PPP6R1: variants seen among roughly 807,000 people sequenced by gnomAD.
PPP6R1 encodes serine/threonine-protein phosphatase 6 regulatory subunit 1.
Under a neutral mutation model 104.6 loss-of-function variants are expected in PPP6R1, and 39 were observed. The observed-to-expected ratio is 0.37, with a 90% CI of 0.29 to 0.49. PPP6R1 has a LOEUF of 0.49. Ranked by LOEUF, PPP6R1 falls within the 20% of genes least tolerant of loss-of-function variation. The pLI, the probability that PPP6R1 is intolerant of heterozygous loss-of-function variation, is 0.98. For missense variants in PPP6R1, 1,181 were observed against 1,155.8 expected (o/e 1.02, Z -0.32); for synonymous variants, 549 against 479.0 (o/e 1.15, Z -1.91).
chr19:55,239,760 G>A (rs1478135982), intron 13 of PPP6R1, 66 bp downstream of exon 13: 1 of 1,591,296 alleles, frequency 6.3e-7, no homozygotes, highest in African/African-American at 1.3e-5. Context: ...GTGGCGGTGG[G>A]AGGCTAAGAC....
At chr19:55,248,016 C>T (rs904264662) in intron 1 of PPP6R1, among the ~76,000 whole-genome samples, 17 of 152,208 alleles carry the variant, frequency 1.1e-4, no homozygotes, top group Non-Finnish European at 2.2e-4. Flanking sequence ...AGCCCCTAAA[C>T]GCTCGTGCAT....
chr19:55,230,286 C>CT lies in PPP6R1; in HGVS notation c.*241dup. On this transcript the variant is annotated 3_prime_UTR_variant, in exon 24 of 24. Transcript: ENST00000412770. ...ATATATGTTTCTCTCTCTCCATTCTCTCTATTTGACTCTCTGTATCTTTAT... is the reference window on the plus strand; with the variant it reads ...ATATATGTTTCTCTCTCTCCATTCTCTTCTATTTGACTCTCTGTATCTTTAT... The CT allele has an allele frequency of 5.1e-6, 3 of 589,080 alleles. No homozygotes were observed. Among genetic ancestry groups the CT allele is most frequent in the Non-Finnish European group, 9.1e-6 (3 of 330,366 alleles). 36.5% of individuals were successfully genotyped at this position (589,080 alleles called of 1,614,324 possible). A position where few individuals can be genotyped will look rare whatever the true frequency, so the allele number is the denominator to read the frequency against.
Position 55,236,540 on chromosome 19 carries a change from A to AT in PPP6R1, c.1988+102dup. 6 of 1,297,410 alleles carry AT rather than the reference A, an allele frequency of 4.6e-6. No individual in the cohort carries two copies. The South Asian group carries it at 9.7e-5, about 21-fold the overall frequency. 80.4% of individuals were successfully genotyped at this position (1,297,410 alleles called of 1,614,324 possible). A position where few individuals can be genotyped will look rare whatever the true frequency, so the allele number is the denominator to read the frequency against. On this transcript the variant is annotated intron_variant, in intron 17 of 23. Coordinates refer to ENST00000412770, the MANE Select transcript of PPP6R1 (RefSeq NM_014931.4). ...ATACACACACCAATGCAGGTTCCTT[A>AT]TTTTCTTCATTCACTTCAGCCTCAG... is the stretch of plus-strand genomic sequence containing the variant.
At chr19:55,252,447 G>A (rs2087561176) in intron 1 of PPP6R1, among the ~76,000 whole-genome samples, 2 of 149,112 alleles carry the variant, frequency 1.3e-5, no homozygotes, top group South Asian at 4.2e-4. Flanking sequence ...CACCCAGGCT[G>A]GAGTGCAGCG....
intron 5 of PPP6R1, among the ~76,000 whole-genome samples, chr19:55,242,889 T>C (rs1037168615): frequency 1.3e-5 from 2 of 152,068 alleles, no homozygotes; most frequent in Non-Finnish European, 2.9e-5. Flanking sequence ...AAAAACATCA[T>C]GCTAGAGAAA....
chr19:55,250,949 A>G (rs28682430), intron 1 of PPP6R1, among the ~76,000 whole-genome samples: 8,240 of 151,450 alleles, frequency 0.054, 644 homozygotes, highest in African/African-American at 0.17. Flanking sequence ...ACCCTCAATG[A>G]CCTCCCACTC....
intron 1 of PPP6R1, among the ~76,000 whole-genome samples, chr19:55,247,540 A>G (rs1165326258): frequency 2.0e-5 from 3 of 152,242 alleles, no homozygotes; most frequent in Non-Finnish European, 4.4e-5. Flanking sequence ...CACTATCCCT[A>G]CTTTTGGGAG....
chr19:55,234,275 AG>A (rs1473626394), intron 17 of PPP6R1, among the ~76,000 whole-genome samples: 1 of 152,220 alleles, frequency 6.6e-6, no homozygotes, highest in East Asian at 1.9e-4. Flanking sequence ...CTTACTATAA[AG>A]CAACAGCAAC....
downstream of PPP6R1, chr19:55,228,745 G>C (rs775391857): frequency 7.4e-6 from 12 of 1,613,110 alleles, no homozygotes; most frequent in South Asian, 1.3e-4. Flanking sequence ...CGTCCATGCT[G>C]GCCTGATAGC....
chr19:55,257,415 T>C (rs973065726), intron 1 of PPP6R1, among the ~76,000 whole-genome samples: 11 of 152,224 alleles, frequency 7.2e-5, no homozygotes, highest in African/African-American at 2.7e-4. Flanking sequence ...CATGTCTGTG[T>C]GTACTACGAG....
intron 17 of PPP6R1, 51 bp downstream of exon 17, chr19:55,236,592 G>A: frequency 6.8e-7 from 1 of 1,462,266 alleles, no homozygotes; most frequent in Non-Finnish European, 9.0e-7. Flanking sequence ...GGACCCCTTG[G>A]CCCTGCCGTG....
intron 1 of PPP6R1, among the ~76,000 whole-genome samples, chr19:55,248,281 G>A (rs961609446): frequency 1.3e-5 from 2 of 152,116 alleles, no homozygotes; most frequent in Admixed American, 1.3e-4. Flanking sequence ...TCATCACTCC[G>A]CCACACAGGA....
At position 55,242,179 on chromosome 19, in the gene PPP6R1, G is replaced by C. The variant is rs775261948; in HGVS notation, c.832C>G (p.Pro278Ala). The stretch of plus-strand genomic sequence containing the variant: ...CGTATCCCTCACCTCGGCCTCCTGG[G>C]CTCCAGCAGGGTCAGCAGCACCTGG... ...GIQVLLTLLEPRRPRSESVTV... is the reference protein window; with the variant it reads ...GIQVLLTLLEARRPRSESVTV... Residue 278 changes from proline (P) to alanine (A), a missense_variant, in exon 7 of 24, where the codon CCC becomes GCC. Pro to Ala is a conservative substitution (Grantham distance 27). Transcript: ENST00000412770. The C allele has an allele frequency of 3.1e-6, 5 of 1,613,172 alleles. No individual in the cohort carries two copies. In the African/African-American group the frequency reaches 6.7e-5, roughly 22 times the overall value.
intron 2 of PPP6R1, among the ~76,000 whole-genome samples, chr19:55,246,661 G>A (rs1291644132): frequency 6.6e-6 from 1 of 152,204 alleles, no homozygotes; most frequent in Non-Finnish European, 1.5e-5. Flanking sequence ...GCCGTGACCC[G>A]TGACTGTGCC....
intron 1 of PPP6R1, among the ~76,000 whole-genome samples, chr19:55,249,344 C>T (rs542589987): frequency 3.9e-5 from 6 of 152,262 alleles, no homozygotes; most frequent in East Asian, 1.9e-4. Context: ...CGGGTTCAGG[C>T]GATTCTTCCG....
intron 1 of PPP6R1, among the ~76,000 whole-genome samples, chr19:55,254,794 C>T (rs1841630944): frequency 6.6e-6 from 1 of 152,244 alleles, no homozygotes; most frequent in Admixed American, 6.5e-5. Context: ...GTCCGGAGGA[C>T]AGCAAGACCA....
At position 55,241,731 on chromosome 19, in the gene PPP6R1, G is replaced by A; in HGVS notation, c.846-92C>T. The A allele has an allele frequency of 7.3e-7, 1 of 1,376,482 alleles. No individual in the cohort carries two copies. The highest frequency in any genetic ancestry group is 9.7e-7 in the Non-Finnish European group (1 of 1,031,344). The allele number at this position is 1,376,482 out of a possible 1,614,324, so 85.3% of individuals were successfully genotyped here. On this transcript the variant is annotated intron_variant, in intron 7 of 23. Transcript: ENST00000412770. This position sits in a 1 kb window ranked among gnomAD's most constrained non-coding sequence, Gnocchi z 5.4. ...ACAAGGACCACGTCTGCAGGGTCTG[G>A]AGGAAAACGAGGAGCCACATGCCCC...
chr19:55,256,800 G>A (rs775678019), intron 1 of PPP6R1, among the ~76,000 whole-genome samples: 1 of 152,158 alleles, frequency 6.6e-6, no homozygotes, highest in Non-Finnish European at 1.5e-5. Context: ...CTGGGCAAAC[G>A]AGCAAAACCC....
Position 55,230,901 on chromosome 19 carries a change from G to A in PPP6R1, c.2460-17C>T. The A allele has an allele frequency of 6.3e-7, 1 of 1,579,936 alleles. No individual in the cohort carries two copies. Among genetic ancestry groups the A allele is most frequent in the Non-Finnish European group, 8.6e-7 (1 of 1,157,832 alleles). On this transcript the variant is annotated splice_polypyrimidine_tract_variant and intron_variant, in intron 21 of 23. Transcript: ENST00000412770. ...CTGGTTGCACTGTGGGTGAGAGGCA[G>A]GTGCGGCTGTCAGCGTGGCCCCCAC...
Sources: gnomAD v4.1 joint callset for allele counts (sites outside exome capture counted in the v4.1 genomes callset) on GRCh38, gnomAD v4.1.1 for gene constraint, Gnocchi (gnomAD v3.1) non-coding constraint, MANE v1.5 for transcripts, NCBI Gene and HGNC (gene_info 2026-07-23, HGNC 2026-07-21) for gene names.